KCNH8: variants seen among roughly 807,000 people sequenced by gnomAD.
KCNH8 encodes the protein potassium voltage-gated channel subfamily H member 8.
A neutral mutation model predicts 103.6 loss-of-function variants in KCNH8; 70 were observed. The observed-to-expected ratio is 0.68, with a 90% CI of 0.56 to 0.82. The LOEUF (loss-of-function observed/expected upper bound fraction) is 0.82, where lower values mean the gene tolerates loss of function less well. Among genes scored for constraint, KCNH8 ranks in the 40% least tolerant of loss-of-function variants. KCNH8 has a pLI of 0.00. For synonymous variants in KCNH8, 498 were observed against 489.4 expected, an observed-to-expected ratio of 1.02 and a Z score of -0.23; for missense variants, 1,217 against 1,329.9, an observed-to-expected ratio of 0.92 and a Z score of 1.32.
chr3:19,396,020 C>G (rs1465251334), intron 7 of KCNH8, among the ~76,000 whole-genome samples: 1 of 151,924 alleles, frequency 6.6e-6, no homozygotes, highest in Admixed American at 6.6e-5. Context: ...TGAAAATTCT[C>G]AAAACTATAA....
intron 1 of KCNH8, among the ~76,000 whole-genome samples, chr3:19,200,954 G>A (rs548288118): frequency 4.0e-4 from 60 of 151,654 alleles, no homozygotes; most frequent in African/African-American, 1.3e-3. Flanking sequence ...ATATACGGCC[G>A]GGCGCTGTGG....
chr3:19,455,383 A>T (rs535112157), intron 10 of KCNH8, among the ~76,000 whole-genome samples: 1 of 152,290 alleles, frequency 6.6e-6, no homozygotes, highest in Non-Finnish European at 1.5e-5. Flanking sequence ...GGTGGTTTGC[A>T]GATGCATCCC....
intron 11 of KCNH8, among the ~76,000 whole-genome samples, chr3:19,468,805 C>G (rs1203388384): frequency 1.3e-5 from 2 of 152,098 alleles, no homozygotes; most frequent in Non-Finnish European, 2.9e-5. Context: ...CTTCATGATT[C>G]CTTCCTTAGA....
At chr3:19,323,062 A>G (rs2065371310) in intron 3 of KCNH8, among the ~76,000 whole-genome samples, 1 of 151,800 alleles carries the variant, frequency 6.6e-6, no homozygotes, top group Admixed American at 6.6e-5. Context: ...TACGTTTGCT[A>G]TTTCATTGGA....
chr3:19,498,169 A>C (rs1305072246), intron 11 of KCNH8, among the ~76,000 whole-genome samples: 1 of 152,118 alleles, frequency 6.6e-6, no homozygotes. Context: ...ATGGCATACC[A>C]GGGTGTATTG....
chr3:19,344,591 A>G (rs1393632672), intron 4 of KCNH8, among the ~76,000 whole-genome samples: 2 of 152,080 alleles, frequency 1.3e-5, no homozygotes, highest in African/African-American at 4.8e-5. Flanking sequence ...TGGAATCAGG[A>G]CTTGCCCTGT....
chr3:19,294,801 A>G (rs377194320), intron 3 of KCNH8, among the ~76,000 whole-genome samples: 3 of 152,158 alleles, frequency 2.0e-5, no homozygotes, highest in Admixed American at 2.0e-4. Context: ...AGTACTAGGC[A>G]TAATAGTCAT....
chr3:19,402,239 C>T (rs1417973391), intron 7 of KCNH8, among the ~76,000 whole-genome samples: 4 of 151,820 alleles, frequency 2.6e-5, no homozygotes, highest in African/African-American at 9.7e-5. Flanking sequence ...TGTTAATACT[C>T]TATTAACATC....
chr3:19,525,593 C>A (rs940635712), intron 15 of KCNH8, among the ~76,000 whole-genome samples: 1 of 151,886 alleles, frequency 6.6e-6, no homozygotes, highest in African/African-American at 2.4e-5. Context: ...CATGGTACAG[C>A]TGAAGTAATG....
chr3:19,174,897 G>GA (rs2063382792), intron 1 of KCNH8, among the ~76,000 whole-genome samples: 1 of 152,124 alleles, frequency 6.6e-6, no homozygotes, highest in African/African-American at 2.4e-5. Flanking sequence ...TTCTGTTAAT[G>GA]AAAATCATTG....
At chr3:19,286,354 A>C (rs2064832104) in intron 3 of KCNH8, among the ~76,000 whole-genome samples, 1 of 152,238 alleles carries the variant, frequency 6.6e-6, no homozygotes, top group South Asian at 2.1e-4. Context: ...TTATGAGAAG[A>C]GATTAGAACA....
intron 11 of KCNH8, among the ~76,000 whole-genome samples, chr3:19,467,753 C>T (rs1307170008): frequency 6.6e-6 from 1 of 152,190 alleles, no homozygotes; most frequent in African/African-American, 2.4e-5. Flanking sequence ...ATCAAACTGT[C>T]TCATTTTGCT....
chr3:19,379,436 T>A (rs558112289), intron 5 of KCNH8, among the ~76,000 whole-genome samples: 1 of 152,142 alleles, frequency 6.6e-6, no homozygotes, highest in South Asian at 2.1e-4. Flanking sequence ...GGCCAGGAGA[T>A]CGAGACCATC....
At chr3:19,403,659 A>T (rs2066649763) in intron 7 of KCNH8, among the ~76,000 whole-genome samples, 1 of 151,566 alleles carries the variant, frequency 6.6e-6, no homozygotes, top group Non-Finnish European at 1.5e-5. Context: ...GCTTATAGAA[A>T]AGCGCAGGTT....
chr3:19,232,343 A>G (rs2064005285), intron 1 of KCNH8, among the ~76,000 whole-genome samples: 2 of 152,202 alleles, frequency 1.3e-5, no homozygotes, highest in South Asian at 4.1e-4. Context: ...AAATCCCTCA[A>G]CATTTTCATC....
chr3:19,177,345 G>A (rs1370013963), intron 1 of KCNH8, among the ~76,000 whole-genome samples: 1 of 152,050 alleles, frequency 6.6e-6, no homozygotes, highest in Non-Finnish European at 1.5e-5. Context: ...GGTTATAAAT[G>A]AGTTTTAATG....
chr3:19,181,494 G>A (rs59618440), intron 1 of KCNH8, among the ~76,000 whole-genome samples: 6,273 of 152,078 alleles, frequency 0.041, 458 homozygotes, highest in African/African-American at 0.14. Context: ...AATCTAAAAA[G>A]AGAGAAAAGA....
chr3:19,487,430 T>A (rs2068233538), intron 11 of KCNH8, among the ~76,000 whole-genome samples: 2 of 152,120 alleles, frequency 1.3e-5, no homozygotes, highest in Non-Finnish European at 2.9e-5. Flanking sequence ...GAGGTAGGTG[T>A]TCTATGGAGA....
intron 1 of KCNH8, among the ~76,000 whole-genome samples, chr3:19,178,790 T>C (rs1371755878): frequency 6.6e-6 from 1 of 152,114 alleles, no homozygotes. Flanking sequence ...AATAAATAGA[T>C]AACTGGAGCT....
Sources: allele counts gnomAD v4.1 joint callset (sites outside exome capture counted in the v4.1 genomes callset), GRCh38; gene constraint gnomAD v4.1.1; transcripts MANE v1.5; gene names NCBI Gene and HGNC (gene_info 2026-07-23, HGNC 2026-07-21).